Variants in NRXN1 observed in about 807,000 individuals in gnomAD.
NRXN1 encodes the protein neurexin-1.
In NRXN1, 39 loss-of-function variants were observed where a neutral mutation model predicts 150.9. The observed-to-expected ratio is 0.26, with a 90% CI of 0.20 to 0.34. The LOEUF (loss-of-function observed/expected upper bound fraction) is 0.34, where lower values mean the gene tolerates loss of function less well. NRXN1 is among the 10% of genes least tolerant of loss of function. The pLI is 1.00. For missense variants in NRXN1, 1,815 were observed against 1,949.9 expected, an observed-to-expected ratio of 0.93 and a Z score of 1.30; for synonymous variants, 924 against 757.0, an observed-to-expected ratio of 1.22 and a Z score of -3.62.
chr2:50,227,203 A>T (rs2064473315), intron 18 of NRXN1, among the ~76,000 whole-genome samples: 1 of 151,422 alleles, frequency 6.6e-6, no homozygotes, highest in Non-Finnish European at 1.5e-5. Context: ...TATTTTGCCA[A>T]TTTTTTCCAG....
At chr2:50,520,005 A>T (rs2092741326) in intron 12 of NRXN1, among the ~76,000 whole-genome samples, 1 of 151,988 alleles carries the variant, frequency 6.6e-6, no homozygotes, top group Non-Finnish European at 1.5e-5. Flanking sequence ...CTAAAATTAG[A>T]GAACGGGGTG....
At chr2:50,016,616 A>G (rs185441158) in intron 21 of NRXN1, 1 of 152,146 alleles carries the variant, frequency 6.6e-6, no homozygotes, top group African/African-American at 2.4e-5. Flanking sequence ...GGGAAATGCC[A>G]GATGCTTATA....
intron 17 of NRXN1, among the ~76,000 whole-genome samples, chr2:50,437,932 A>G (rs2085589655): frequency 6.6e-6 from 1 of 152,206 alleles, no homozygotes; most frequent in South Asian, 2.1e-4. Context: ...ATTAAACAGC[A>G]GAAAAATCTT....
chr2:50,782,392 C>T (rs1704473138), intron 5 of NRXN1, among the ~76,000 whole-genome samples: 1 of 151,940 alleles, frequency 6.6e-6, no homozygotes, highest in Non-Finnish European at 1.5e-5. Context: ...ATCACTTGAA[C>T]CTGGGAAAAG....
chr2:50,070,993 C>A, intron 19 of NRXN1, among the ~76,000 whole-genome samples: 1 of 152,156 alleles, frequency 6.6e-6, no homozygotes, highest in East Asian at 1.9e-4. Flanking sequence ...AAATGCAGAA[C>A]AGAATGAAGA....
At chr2:50,238,080 C>T (rs1465231833) in intron 17 of NRXN1, among the ~76,000 whole-genome samples, 1 of 151,994 alleles carries the variant, frequency 6.6e-6, no homozygotes, top group African/African-American at 2.4e-5. Context: ...TCAATTAAAC[C>T]TCTTTTCTTT....
intron 21 of NRXN1, chr2:49,972,525 G>A (rs1199985015): frequency 6.6e-6 from 1 of 152,114 alleles, no homozygotes; most frequent in Non-Finnish European, 1.5e-5. Context: ...CCAAAGTCTA[G>A]TAAATAAGTT....
In NRXN1 at chr2:50,538,316, C is replaced by T; in HGVS notation, c.2080G>A (p.Gly694Arg). The T allele has an allele frequency of 6.2e-7, 1 of 1,613,978 alleles. No individual in the cohort carries two copies. The highest frequency in any genetic ancestry group is 8.5e-7 in the Non-Finnish European group (1 of 1,179,854). The part of the protein sequence containing the change: ...PCKNNGMCRD[G>R]WNRYVCDCSG... ...CAATCACAGACATATCTGTTCCACC[C>T]ATCCCTGCACATGCCATTGTTTTTG... Residue 694 changes from glycine (G) to arginine (R), a missense_variant, in exon 10 of 23, where the codon GGG (glycine) becomes AGG (arginine). Transcript: ENST00000401669.
At chr2:50,734,669 T>G (rs952304336) in intron 5 of NRXN1, among the ~76,000 whole-genome samples, 1 of 152,010 alleles carries the variant, frequency 6.6e-6, no homozygotes, top group Non-Finnish European at 1.5e-5. Context: ...AAAAATGCTT[T>G]TTCTGGCAGT....
chr2:49,920,734 GT>G lies in NRXN1; in HGVS notation c.*1209del. 1 of 129,662 alleles carries G rather than the reference GT, an allele frequency of 7.7e-6. No homozygotes were observed. The highest frequency in any genetic ancestry group is 1.7e-5 in the Non-Finnish European group (1 of 59,636). 8.0% of individuals were successfully genotyped at this position (129,662 alleles called of 1,614,324 possible). ...TGTGTGTGTGTGTGTGTGTGTGTGTGTGTGTGTGTGAAAATAGTGAATGTAT... is the reference window on the plus strand; with the variant it reads ...TGTGTGTGTGTGTGTGTGTGTGTGTGGTGTGTGTGAAAATAGTGAATGTAT... On this transcript the variant is annotated 3_prime_UTR_variant, in exon 23 of 23. Transcript: ENST00000401669.
chr2:50,639,124 A>C (rs1683671148), intron 5 of NRXN1, among the ~76,000 whole-genome samples: 1 of 152,026 alleles, frequency 6.6e-6, no homozygotes, highest in African/African-American at 2.4e-5. Flanking sequence ...TCAGCTTATG[A>C]ATGCATTGGA....
chr2:50,683,646 A>AAAATATATATATATATATATATATATAT, intron 5 of NRXN1, among the ~76,000 whole-genome samples: 6 of 14,892 alleles, frequency 4.0e-4, no homozygotes, highest in Non-Finnish European at 5.4e-4. Flanking sequence ...AAAAAAAAAA[A>AAAATATATATATATATATATATATATAT]ATATATATAT....
chr2:50,249,728 C>G (rs1480330454), intron 17 of NRXN1, among the ~76,000 whole-genome samples: 1 of 151,794 alleles, frequency 6.6e-6, no homozygotes, highest in African/African-American at 2.4e-5. Context: ...AACTCTGCCT[C>G]CCGGGTTCAA....
chr2:50,000,242 T>C (rs1435716923), intron 21 of NRXN1, among the ~76,000 whole-genome samples: 6 of 152,216 alleles, frequency 3.9e-5, no homozygotes, highest in African/African-American at 9.6e-5. Flanking sequence ...TGAATCTACA[T>C]TGTGCTTCTT....
At chr2:50,534,333 G>T (rs1468796829) in intron 10 of NRXN1, among the ~76,000 whole-genome samples, 1 of 151,982 alleles carries the variant, frequency 6.6e-6, no homozygotes, top group Non-Finnish European at 1.5e-5. Context: ...TCAAAACAGG[G>T]GCCTCATGGT....
chr2:50,760,126 A>T (rs1422040884), intron 5 of NRXN1, among the ~76,000 whole-genome samples: 1 of 151,772 alleles, frequency 6.6e-6, no homozygotes, highest in Non-Finnish European at 1.5e-5. Context: ...CTACTCAAAC[A>T]TGTCAATTGT....
intron 2 of NRXN1, among the ~76,000 whole-genome samples, chr2:51,015,605 T>G (rs558854985): frequency 1.3e-5 from 2 of 152,010 alleles, no homozygotes; most frequent in African/African-American, 4.8e-5. Context: ...TGTACTTTTA[T>G]GAAGGAAATC....
chr2:50,812,147 A>G (rs933580271), intron 5 of NRXN1, among the ~76,000 whole-genome samples: 1 of 152,182 alleles, frequency 6.6e-6, no homozygotes, highest in East Asian at 1.9e-4. Context: ...TTGGTTTTGT[A>G]CAGTATACAT....
chr2:50,089,670 G>C (rs138763936), intron 19 of NRXN1, among the ~76,000 whole-genome samples: 1,969 of 151,784 alleles, frequency 0.013, 54 homozygotes, highest in African/African-American at 0.046. Context: ...TGCACCTGTA[G>C]TCCTAGCTAC....
Sources: allele counts gnomAD v4.1 joint callset (sites outside exome capture counted in the v4.1 genomes callset), GRCh38; gene constraint gnomAD v4.1.1; transcripts MANE v1.5; gene names NCBI Gene and HGNC (gene_info 2026-07-23, HGNC 2026-07-21).